The following PRRG4 variants were observed in gnomAD, a reference collection of about 807,000 sequenced individuals.
PRRG4 encodes the protein proline rich and Gla domain 4.
In PRRG4, 12 loss-of-function variants were observed where a neutral mutation model predicts 20.0. The observed-to-expected ratio is 0.60, with a 90% CI of 0.38 to 0.97. PRRG4 has a LOEUF of 0.97. Among genes scored for constraint, PRRG4 ranks in the 50% least tolerant of loss-of-function variants. PRRG4 has a pLI of 0.00. For synonymous variants in PRRG4, 94 were observed against 96.4 expected, an observed-to-expected ratio of 0.98 and a Z score of 0.15; for missense variants, 199 against 265.1, an observed-to-expected ratio of 0.75 and a Z score of 1.73.
chr11:32,837,535 GATGATGATT>G (rs1176878236), intron 3 of PRRG4, among the ~76,000 whole-genome samples: 4,403 of 102,708 alleles, frequency 0.043, 76 homozygotes, highest in Admixed American at 0.056. Flanking sequence ...TGATGATGAT[GATGATGATT>G]ATTATTATTA....
chr11:32,849,013 A>G (rs1233962594), intron 5 of PRRG4, among the ~76,000 whole-genome samples: 1 of 151,690 alleles, frequency 6.6e-6, no homozygotes, highest in South Asian at 2.1e-4. Context: ...TGTGAAATTA[A>G]GATTCACCTA....
chr11:32,853,320 G>A lies in PRRG4; in HGVS notation c.474G>A (p.Gly158=), dbSNP rs1370297390. 4 of 1,614,016 alleles carry A rather than the reference G, an allele frequency of 2.5e-6. No individual in the cohort carries two copies. The highest frequency in any genetic ancestry group is 3.4e-6 in the Non-Finnish European group (4 of 1,179,958). Residue 158 remains glycine, a synonymous_variant, in exon 6 of 6, where the codon GGG becomes GGA. Transcript: ENST00000257836. The part of the protein sequence containing the change: ...HPCSSAVYER[G]RHTPSIIFRR... ...GCTCTTCAGCCGTCTATGAAAGGGG[G>A]AGGCACACTCCCTCCATCATTTTCA...
intron 5 of PRRG4, among the ~76,000 whole-genome samples, chr11:32,848,990 T>A (rs55915511): frequency 0.23 from 30,347 of 133,286 alleles, 3,399 homozygotes; most frequent in East Asian, 0.57. Context: ...AAAAAAGAAT[T>A]TAAGGCAACA....
intron 5 of PRRG4, among the ~76,000 whole-genome samples, chr11:32,849,056 G>A (rs1280004140): frequency 6.6e-6 from 1 of 151,900 alleles, no homozygotes; most frequent in Admixed American, 6.6e-5. Flanking sequence ...ATGAGGGTAG[G>A]TAAGTTCTCT....
intron 5 of PRRG4, among the ~76,000 whole-genome samples, chr11:32,850,560 C>A (rs1426726904): frequency 6.6e-6 from 1 of 152,128 alleles, no homozygotes; most frequent in African/African-American, 2.4e-5. Flanking sequence ...GAGGATATTC[C>A]AAACTTGGTT....
chr11:32,832,834 A>G (rs1850986721), intron 2 of PRRG4, among the ~76,000 whole-genome samples: 1 of 152,182 alleles, frequency 6.6e-6, no homozygotes, highest in Non-Finnish European at 1.5e-5. Flanking sequence ...AAAAGGAGCT[A>G]TTTAGAAAAC....
chr11:32,837,710 A>C (rs1385951247), intron 3 of PRRG4, among the ~76,000 whole-genome samples: 1 of 151,880 alleles, frequency 6.6e-6, no homozygotes, highest in Non-Finnish European at 1.5e-5. Context: ...GGCACATGCC[A>C]CCACGCCTGG....
At chr11:32,841,786 GACAACA>G (rs922902470) in intron 5 of PRRG4, among the ~76,000 whole-genome samples, 4 of 151,946 alleles carry the variant, frequency 2.6e-5, no homozygotes, top group Non-Finnish European at 4.4e-5. Context: ...CTCCAGCCTG[GACAACA>G]ACAACAACAA....
At position 32,853,341 on chromosome 11, in the gene PRRG4, T is replaced by A. The variant is rs1433558417; in HGVS notation, c.495T>A (p.Ile165=). The A allele has an allele frequency of 6.2e-7, 1 of 1,614,152 alleles. No individual in the cohort carries two copies. ...GGGGGAGGCACACTCCCTCCATCAT[T>A]TTCAGAAGACCTGAGGAGGCTGCCT... is the stretch of plus-strand genomic sequence containing the variant. ...YERGRHTPSI[I]FRRPEEAALS... The change falls in exon 6 of 6, where the codon ATT becomes ATA. Residue 165 remains isoleucine (I), a synonymous_variant. Transcript: ENST00000257836.
At chr11:32,851,287 T>A (rs896490245) in intron 5 of PRRG4, among the ~76,000 whole-genome samples, 3 of 152,212 alleles carry the variant, frequency 2.0e-5, no homozygotes, top group Non-Finnish European at 4.4e-5. Flanking sequence ...ATTGTTTCCA[T>A]ACATTAAATT....
intron 5 of PRRG4, among the ~76,000 whole-genome samples, chr11:32,842,375 T>G (rs1851087099): frequency 6.6e-6 from 1 of 152,162 alleles, no homozygotes; most frequent in African/African-American, 2.4e-5. Context: ...TGAGAACAAA[T>G]TTTTTGCCCT....
At chr11:32,837,985 A>G (rs1412661839) in intron 3 of PRRG4, among the ~76,000 whole-genome samples, 1 of 152,236 alleles carries the variant, frequency 6.6e-6, no homozygotes, top group Non-Finnish European at 1.5e-5. Context: ...TGCTGTTTCT[A>G]TTAAGGAGGA....
chr11:32,830,390 G>T, intron 1 of PRRG4, 118 bp from the exon 2 acceptor site: 3 of 949,200 alleles, frequency 3.2e-6, no homozygotes, highest in Non-Finnish European at 4.2e-6. Flanking sequence ...GAAACCGCGC[G>T]CCGGGCGCTC....
At chr11:32,835,624 T>C (rs946509186) in intron 2 of PRRG4, among the ~76,000 whole-genome samples, 2 of 152,208 alleles carry the variant, frequency 1.3e-5, no homozygotes, top group African/African-American at 2.4e-5. Context: ...AAGGGAACCT[T>C]ATAAAACATT....
At chr11:32,837,614 G>A (rs1391761572) in intron 3 of PRRG4, among the ~76,000 whole-genome samples, 1 of 150,436 alleles carries the variant, frequency 6.6e-6, no homozygotes, top group African/African-American at 2.4e-5. Flanking sequence ...CTGGAGTGCA[G>A]TGGAGCAATC....
chr11:32,830,820 G>A (rs980234975), intron 2 of PRRG4, among the ~76,000 whole-genome samples, 188 bp downstream of exon 2: 1 of 152,168 alleles, frequency 6.6e-6, no homozygotes, highest in East Asian at 1.9e-4. Flanking sequence ...AGAATTTGAT[G>A]TCTGTGAGTC....
intron 5 of PRRG4, among the ~76,000 whole-genome samples, chr11:32,842,150 C>A (rs12799094): frequency 0.1 from 15,630 of 152,040 alleles, 849 homozygotes; most frequent in Non-Finnish European, 0.13. Flanking sequence ...TGTTTCATAT[C>A]CAGATATAAA....
At chr11:32,839,265 A>G (rs1038465795) in intron 4 of PRRG4, among the ~76,000 whole-genome samples, 4 of 152,202 alleles carry the variant, frequency 2.6e-5, no homozygotes, top group Non-Finnish European at 5.9e-5. Flanking sequence ...CTTTTTTACC[A>G]TTAAAGGCAG....
chr11:32,836,019 T>G (rs1851016188), intron 2 of PRRG4, among the ~76,000 whole-genome samples: 1 of 152,000 alleles, frequency 6.6e-6, no homozygotes, highest in African/African-American at 2.4e-5. Context: ...AGAGAATCAC[T>G]TGAACCCAGG....
Sources: allele counts gnomAD v4.1 joint callset (sites outside exome capture counted in the v4.1 genomes callset), GRCh38; gene constraint gnomAD v4.1.1; transcripts MANE v1.5; gene names NCBI Gene and HGNC (gene_info 2026-07-23, HGNC 2026-07-21).